Variants in SPART observed in about 807,000 individuals in gnomAD.
SPART encodes the protein spartin.
Under a neutral mutation model 58.7 loss-of-function variants are expected in SPART, and 35 were observed. The ratio of observed to expected loss-of-function variants is 0.60; its 90% CI spans 0.46 to 0.79. SPART has a LOEUF of 0.79. SPART is among the 30% of genes least tolerant of loss of function. The probability of loss-of-function intolerance (pLI) is 0.00; values close to 1 mark genes in which losing one functional copy is unlikely to be tolerated. For synonymous variants in SPART, 284 were observed against 280.7 expected (o/e 1.01, Z -0.12); for missense variants, 730 against 786.1 (o/e 0.93, Z 0.85).
chr13:36,366,341 T>C (rs1032216759), intron 1 of SPART, among the ~76,000 whole-genome samples: 3 of 152,202 alleles, frequency 2.0e-5, no homozygotes, highest in African/African-American at 7.2e-5. Context: ...CTATCAAAAT[T>C]ATCACACTAC....
chr13:36,363,447 CT>C (rs1238048502), intron 1 of SPART, among the ~76,000 whole-genome samples: 1 of 151,878 alleles, frequency 6.6e-6, no homozygotes, highest in Non-Finnish European at 1.5e-5. Context: ...GAGCTGCTGC[CT>C]TTTGGTCCTC....
intron 5 of SPART, among the ~76,000 whole-genome samples, chr13:36,317,493 T>C (rs9531798): frequency 0.99 from 145,729 of 147,766 alleles, 71,879 homozygotes; most frequent in Non-Finnish European, 1. Context: ...GCCCCAATCC[T>C]TTATTTCCGT....
chr13:36,308,933 T>G (rs1880791697), intron 8 of SPART, among the ~76,000 whole-genome samples: 1 of 152,118 alleles, frequency 6.6e-6, no homozygotes, highest in African/African-American at 2.4e-5. Context: ...GTATGTTTTA[T>G]CTCTCAACTC....
At chr13:36,329,291 A>G in intron 4 of SPART, 71 bp downstream of exon 4, 2 of 1,558,720 alleles carry the variant, frequency 1.3e-6, no homozygotes, top group Admixed American at 1.7e-5. Context: ...GAATATGATC[A>G]TATAAATACA....
chr13:36,348,159 A>G (rs1461030554), upstream of SPART, among the ~76,000 whole-genome samples: 1 of 152,060 alleles, frequency 6.6e-6, no homozygotes, highest in Non-Finnish European at 1.5e-5. Context: ...GGTGGTACAC[A>G]TCTGTAGTCC....
chr13:36,314,954 T>C (rs1238333162), intron 5 of SPART, among the ~76,000 whole-genome samples: 1 of 152,236 alleles, frequency 6.6e-6, no homozygotes, highest in Non-Finnish European at 1.5e-5. Flanking sequence ...CAGGGGGTCC[T>C]GTTCCTTCCT....
intron 1 of SPART, among the ~76,000 whole-genome samples, chr13:36,359,663 T>C (rs1885760534): frequency 6.6e-6 from 1 of 152,090 alleles, no homozygotes; most frequent in African/African-American, 2.4e-5. Flanking sequence ...TATGCAAAGC[T>C]CTGTACTCCA....
chr13:36,368,990 T>G (rs544068108), intron 1 of SPART, among the ~76,000 whole-genome samples: 2 of 152,262 alleles, frequency 1.3e-5, no homozygotes, highest in African/African-American at 4.8e-5. Flanking sequence ...AGAGCAAATT[T>G]CTGTCTCAAA....
At chr13:36,335,981 G>T in intron 1 of SPART, 149 bp from the exon 2 acceptor site, 1 of 669,124 alleles carries the variant, frequency 1.5e-6, no homozygotes. Context: ...CCTACTATTA[G>T]GTCTGTCATA....
intron 2 of SPART, among the ~76,000 whole-genome samples, chr13:36,334,774 C>T (rs1883795570): frequency 6.6e-6 from 1 of 151,940 alleles, no homozygotes; most frequent in African/African-American, 2.4e-5. Context: ...TAAGGATGAC[C>T]ACTCTTCTCA....
rs576362929 is a variant in SPART at position 36,321,017 on chromosome 13, G to A, written c.1288+5558C>T. Among the ~76,000 whole-genome samples the A allele has an allele frequency of 9.2e-5, 14 of 152,252 alleles. No individual in the cohort carries two copies. In the East Asian group the frequency reaches 2.7e-3, roughly 29 times the overall value. ...TCAGCCACCAACTTAAAAAGGACTGGACAATACTTTTACCACTTTCCTTTC... is the reference window on the plus strand; with the variant it reads ...TCAGCCACCAACTTAAAAAGGACTGAACAATACTTTTACCACTTTCCTTTC... On this transcript the variant is annotated intron_variant, in intron 5 of 8. Coordinates refer to ENST00000438666, the MANE Select transcript of SPART (RefSeq NM_015087.5).
rs370334896 is a variant in SPART, at chr13:36,331,511, A to G, written c.896T>C (p.Met299Thr). 1 of 1,614,120 alleles carries G rather than the reference A, an allele frequency of 6.2e-7. No homozygotes were observed. The highest frequency in any genetic ancestry group is 1.1e-5 in the South Asian group (1 of 91,086). The change falls in exon 3 of 9, where the codon ATG (methionine) becomes ACG (threonine). Residue 299 changes from methionine (M) to threonine (T), a missense_variant. Coordinates refer to ENST00000438666, the MANE Select transcript of SPART (RefSeq NM_015087.5). The stretch of plus-strand genomic sequence containing the variant: ...CACAAAGCATCCTGCTGCTTGTAGC[A>G]TTGTATCAGGAAACATGTAGGCTCC... ...TAGAYMFPDT[M>T]LQAAGCFVGV...
chr13:36,325,384 C>T (rs1337233187), intron 5 of SPART, among the ~76,000 whole-genome samples: 1 of 152,122 alleles, frequency 6.6e-6, no homozygotes, highest in East Asian at 1.9e-4. Context: ...AGTTCTTTGG[C>T]ACTAGGAAAA....
In SPART at chr13:36,304,322, T is replaced by G. The variant is rs1880262354; in HGVS notation, c.*43A>C. The G allele has an allele frequency of 1.9e-6, 3 of 1,612,862 alleles. No individual in the cohort carries two copies. The highest frequency in any genetic ancestry group is 2.5e-6 in the Non-Finnish European group (3 of 1,179,238). On this transcript the variant is annotated 3_prime_UTR_variant, in exon 9 of 9. Transcript: ENST00000438666. ...CATTTGCCTATTTAACAAAATTTCA[T>G]CCATTTCATAAGGCTTTGGTATAAG...
In SPART at chr13:36,335,021, C is replaced by T. The variant is rs1357387423; in HGVS notation, c.810G>A (p.Gln270=). The part of the protein sequence containing the change: ...TVLNRPPGFL[Q]VCDWLYPLVP... The stretch of plus-strand genomic sequence containing the variant: ...ATGCTTTCATTTTTCTTTCGCTTAC[C>T]TGAAGAAACCCGGGAGGACGGTTTA... Residue 270 remains glutamine, a splice_region_variant and synonymous_variant, in exon 2 of 9, where the codon CAG becomes CAA. Transcript: ENST00000438666. The T allele has an allele frequency of 6.2e-7, 1 of 1,613,198 alleles. No homozygotes were observed. Among genetic ancestry groups the T allele is most frequent in the African/African-American group, 1.3e-5 (1 of 74,814 alleles).
chr13:36,368,036 A>G (rs1432206964), intron 1 of SPART, among the ~76,000 whole-genome samples: 3 of 152,246 alleles, frequency 2.0e-5, no homozygotes, highest in Non-Finnish European at 2.9e-5. Context: ...AGGATTCAAT[A>G]TACGTACATT....
Position 36,335,177 on chromosome 13 carries a change from T to C in SPART, c.654A>G (p.Ala218=). 1 of 1,614,176 alleles carries C rather than the reference T, an allele frequency of 6.2e-7. No homozygotes were observed. The highest frequency in any genetic ancestry group is 2.2e-5 in the East Asian group (1 of 44,876). ...PPPLETLGLD[A]DELILIPNGV... is the part of the protein sequence containing the mutation. ...CATTTGGTATCAAAATCAATTCATC[T>C]GCATCCAGCCCTAAGGTCTCAAGAG... Residue 218 remains alanine (A), a synonymous_variant, in exon 2 of 9, where the codon GCA becomes GCG. Coordinates refer to ENST00000438666, the MANE Select transcript of SPART (RefSeq NM_015087.5).
intron 1 of SPART, among the ~76,000 whole-genome samples, chr13:36,352,081 A>G (rs1205482758): frequency 1.3e-5 from 2 of 152,208 alleles, no homozygotes; most frequent in East Asian, 3.8e-4. Context: ...TGAGTACATT[A>G]TGTTGAGGGT....
At chr13:36,369,564 A>T (rs559982714) in intron 1 of SPART, 48 of 152,300 alleles carry the variant, frequency 3.2e-4, no homozygotes, top group African/African-American at 1.1e-3. Flanking sequence ...ATACAGGAAG[A>T]TCTCTCTGCC....
Sources: allele counts gnomAD v4.1 joint callset (sites outside exome capture counted in the v4.1 genomes callset), GRCh38; gene constraint gnomAD v4.1.1; transcripts MANE v1.5; gene names NCBI Gene and HGNC (gene_info 2026-07-23, HGNC 2026-07-21).